Variants in CLSTN2 observed in about 807,000 individuals in gnomAD.
CLSTN2 encodes calsyntenin-2.
CLSTN2 carries 48 observed loss-of-function variants against 101.2 expected under a neutral mutation model. The ratio of observed to expected loss-of-function variants is 0.47; its 90% confidence interval spans 0.38 to 0.60. The LOEUF (loss-of-function observed/expected upper bound fraction) is 0.60. Among genes scored for constraint, CLSTN2 ranks in the 20% least tolerant of loss-of-function variants. The pLI, the probability that CLSTN2 is intolerant of heterozygous loss-of-function variation, is 0.00. For synonymous variants in CLSTN2, 481 were observed against 463.6 expected, an observed-to-expected ratio of 1.04 and a Z score of -0.48; for missense variants, 1,160 against 1,238.2, an observed-to-expected ratio of 0.94 and a Z score of 0.95.
At chr3:139,958,197 C>A (rs875027) in intron 1 of CLSTN2, among the ~76,000 whole-genome samples, 3 of 151,878 alleles carry the variant, frequency 2.0e-5, no homozygotes, top group Admixed American at 1.3e-4. Context: ...ACATTGTTGC[C>A]CCTTGGCAGG....
At chr3:140,245,859 C>T (rs2086511351) in intron 2 of CLSTN2, among the ~76,000 whole-genome samples, 1 of 152,216 alleles carries the variant, frequency 6.6e-6, no homozygotes, top group Admixed American at 6.5e-5. Context: ...TGAGCTCGCA[C>T]TTACTGAGGA....
intron 2 of CLSTN2, among the ~76,000 whole-genome samples, chr3:140,288,779 G>C (rs1292732581): frequency 6.6e-6 from 1 of 152,118 alleles, no homozygotes; most frequent in Admixed American, 6.6e-5. Flanking sequence ...TGTGAGCCAG[G>C]CTGGGGAACT....
intron 2 of CLSTN2, among the ~76,000 whole-genome samples, chr3:140,365,563 G>A (rs1267830478): frequency 6.6e-6 from 1 of 152,138 alleles, no homozygotes; most frequent in African/African-American, 2.4e-5. Context: ...AGCCCAGGGA[G>A]GACAGCAAGG....
At chr3:140,027,404 A>G (rs1192892143) in intron 1 of CLSTN2, among the ~76,000 whole-genome samples, 1 of 152,170 alleles carries the variant, frequency 6.6e-6, no homozygotes, top group Admixed American at 6.5e-5. Flanking sequence ...AGGCAGCCCC[A>G]AACCAATGAA....
intron 2 of CLSTN2, among the ~76,000 whole-genome samples, chr3:140,278,290 C>T (rs1455684908): frequency 6.6e-6 from 1 of 152,168 alleles, no homozygotes; most frequent in East Asian, 1.9e-4. Flanking sequence ...GGTCCTCACA[C>T]AGGGCCCCGC....
intron 2 of CLSTN2, among the ~76,000 whole-genome samples, chr3:140,375,655 G>A (rs1373233069): frequency 1.3e-5 from 2 of 152,026 alleles, no homozygotes; most frequent in Non-Finnish European, 2.9e-5. Flanking sequence ...TTTACCCATG[G>A]CTTATATTTT....
rs779385654 is a variant in CLSTN2, at chr3:140,563,039, G to A, written c.2359-41G>A. ...CAGAAATGCTGTAACTGGCCCACCTGCCACTCCTGGGTCAATAGCACCTCT... is the reference window on the plus strand; with the variant it reads ...CAGAAATGCTGTAACTGGCCCACCTACCACTCCTGGGTCAATAGCACCTCT... On this transcript the variant is annotated intron_variant, in intron 14 of 16. Transcript: ENST00000458420. 8 of 1,612,094 alleles carry A rather than the reference G, an allele frequency of 5.0e-6. No individual in the cohort carries two copies. The East Asian group carries it at 1.6e-4, about 31-fold the overall frequency.
intron 8 of CLSTN2, chr3:140,508,581 T>C (rs1160771703): frequency 1.3e-5 from 2 of 152,244 alleles, no homozygotes; most frequent in African/African-American, 4.8e-5. Context: ...GCAAGCGATC[T>C]GCTTAGTCTT....
intron 8 of CLSTN2, among the ~76,000 whole-genome samples, chr3:140,495,148 T>A (rs1934438414): frequency 6.6e-6 from 1 of 152,210 alleles, no homozygotes; most frequent in South Asian, 2.1e-4. Flanking sequence ...TTCTTATTTT[T>A]AGCCATTCTG....
intron 1 of CLSTN2, among the ~76,000 whole-genome samples, chr3:140,020,303 G>C (rs1202659218): frequency 6.6e-6 from 1 of 152,220 alleles, no homozygotes; most frequent in Non-Finnish European, 1.5e-5. Context: ...CTCAGGGGAT[G>C]AAGTGTGTTG....
chr3:140,562,772 T>A (rs775290485), intron 13 of CLSTN2, 39 bp from the exon 14 acceptor site: 5 of 1,607,844 alleles, frequency 3.1e-6, no homozygotes, highest in Non-Finnish European at 4.2e-6. Context: ...TCCTCCTCCT[T>A]TTCTGCCTTC....
intron 1 of CLSTN2, among the ~76,000 whole-genome samples, chr3:140,125,403 C>G (rs4234482): frequency 0.77 from 117,568 of 152,004 alleles, 45,707 homozygotes; most frequent in Admixed American, 0.84. Flanking sequence ...CACAAGTAGC[C>G]GGGTGGGCAT....
chr3:140,464,162 C>G (rs1274561992), intron 7 of CLSTN2, among the ~76,000 whole-genome samples: 1 of 152,154 alleles, frequency 6.6e-6, no homozygotes, highest in Non-Finnish European at 1.5e-5. Context: ...TTCCTCTCAT[C>G]CATATTCCCC....
chr3:140,089,665 T>G (rs1338082569), intron 1 of CLSTN2, among the ~76,000 whole-genome samples: 2 of 151,588 alleles, frequency 1.3e-5, no homozygotes, highest in Non-Finnish European at 2.9e-5. Flanking sequence ...CAGGCTAGAG[T>G]GCAGTGGTGC....
intron 2 of CLSTN2, among the ~76,000 whole-genome samples, chr3:140,367,857 A>G (rs1012780834): frequency 2.0e-5 from 3 of 152,204 alleles, no homozygotes; most frequent in African/African-American, 7.2e-5. Context: ...TAAATTAGGG[A>G]AGCCCAGTTT....
chr3:140,075,650 T>G (rs2008474318), intron 1 of CLSTN2, among the ~76,000 whole-genome samples: 1 of 152,188 alleles, frequency 6.6e-6, no homozygotes, highest in African/African-American at 2.4e-5. Context: ...ATATTAAGGT[T>G]AGAGACTTCA....
rs995750485 is a variant in CLSTN2 at position 140,463,849 on chromosome 3, G to C, written c.1223-2761G>C. 3.3e-5 allele frequency among the ~76,000 whole-genome samples: 5 copies of C among 152,230 alleles called. No individual in the cohort carries two copies. In the East Asian group the frequency reaches 9.6e-4, roughly 29 times the overall value. ...ACCAGAGGGCTGCCTGCCAGGAAGA[G>C]GGGTCCCAGTAGCAGGAGCTGATGC... On this transcript the variant is annotated intron_variant, in intron 7 of 16. Transcript: ENST00000458420.
At chr3:140,094,449 T>C (rs971394290) in intron 1 of CLSTN2, among the ~76,000 whole-genome samples, 1 of 152,256 alleles carries the variant, frequency 6.6e-6, no homozygotes, top group Non-Finnish European at 1.5e-5. Context: ...ACTGACCTTA[T>C]ATTTTCCTGG....
intron 1 of CLSTN2, among the ~76,000 whole-genome samples, chr3:140,141,837 A>G (rs2009703593): frequency 6.6e-6 from 1 of 152,072 alleles, no homozygotes; most frequent in Non-Finnish European, 1.5e-5. Context: ...ATGCTCCACC[A>G]AGCTCCCTGC....
Sources: gnomAD v4.1 joint callset for allele counts (sites outside exome capture counted in the v4.1 genomes callset) on GRCh38, gnomAD v4.1.1 for gene constraint, MANE v1.5 for transcripts, NCBI Gene and HGNC (gene_info 2026-07-23, HGNC 2026-07-21) for gene names.